The following MDGA2 variants were observed in gnomAD, a reference collection of about 807,000 sequenced individuals.
MDGA2 encodes the protein MAM domain containing glycosylphosphatidylinositol anchor 2, also known as MAM domain-containing glycosylphosphatidylinositol anchor protein 2.
Under a neutral mutation model 117.8 loss-of-function variants are expected in MDGA2, and 40 were observed. The ratio of observed to expected loss-of-function variants is 0.34; its 90% CI spans 0.26 to 0.44. The LOEUF is 0.44. Ranked by LOEUF, MDGA2 falls within the 20% of genes least tolerant of loss-of-function variation. The pLI, the probability that MDGA2 is intolerant of heterozygous loss-of-function variation, is 1.00. For missense variants in MDGA2, 1,123 were observed against 1,250.6 expected, an observed-to-expected ratio of 0.90 and a Z score of 1.54; for synonymous variants, 452 against 439.0, an observed-to-expected ratio of 1.03 and a Z score of -0.37.
chr14:47,380,669 T>G (rs1891599032), intron 1 of MDGA2, among the ~76,000 whole-genome samples: 1 of 152,062 alleles, frequency 6.6e-6, no homozygotes, highest in African/African-American at 2.4e-5. Context: ...AGGAAGAATC[T>G]GAATCCCTGA....
intron 8 of MDGA2, among the ~76,000 whole-genome samples, chr14:46,984,776 T>C (rs1886804595): frequency 6.6e-6 from 1 of 152,086 alleles, no homozygotes; most frequent in African/African-American, 2.4e-5. Context: ...TCTAATTTTC[T>C]GTTAAGAAAA....
At chr14:47,139,746 A>G (rs1373703501) in intron 4 of MDGA2, among the ~76,000 whole-genome samples, 1 of 149,504 alleles carries the variant, frequency 6.7e-6, no homozygotes, top group African/African-American at 2.4e-5. Flanking sequence ...ATATATGTAT[A>G]TGTTTATATA....
intron 2 of MDGA2, among the ~76,000 whole-genome samples, chr14:47,242,776 C>G (rs1887098266): frequency 6.6e-6 from 1 of 151,866 alleles, no homozygotes; most frequent in Admixed American, 6.6e-5. Flanking sequence ...GAGCACCACC[C>G]CCTGCTCCAG....
At chr14:47,446,358 A>C (rs1893122036) in intron 1 of MDGA2, among the ~76,000 whole-genome samples, 3 of 152,172 alleles carry the variant, frequency 2.0e-5, no homozygotes, top group African/African-American at 7.2e-5. Flanking sequence ...CATTATTAGC[A>C]AGAATGATTA....
intron 7 of MDGA2, among the ~76,000 whole-genome samples, chr14:47,042,323 T>TG (rs1889103341): frequency 1.2e-4 from 16 of 132,608 alleles, no homozygotes; most frequent in Admixed American, 7.1e-4. Context: ...TTTTTTTTTT[T>TG]TTTTTGTGTG....
chr14:46,958,975 C>T (rs1399999217), intron 8 of MDGA2, among the ~76,000 whole-genome samples: 1 of 151,960 alleles, frequency 6.6e-6, no homozygotes, highest in Non-Finnish European at 1.5e-5. Context: ...GAGGAGTTGT[C>T]CAAATCATCT....
At chr14:47,248,432 T>G (rs2139631992) in intron 2 of MDGA2, among the ~76,000 whole-genome samples, 1 of 151,824 alleles carries the variant, frequency 6.6e-6, no homozygotes, top group South Asian at 2.1e-4. Context: ...AGACAATTTT[T>G]TCTGTGAATT....
chr14:46,861,513 A>G (rs769088285), intron 14 of MDGA2, among the ~76,000 whole-genome samples: 1 of 151,920 alleles, frequency 6.6e-6, no homozygotes, highest in Non-Finnish European at 1.5e-5. Flanking sequence ...GGTTTAAAGA[A>G]GCCAGGTGTA....
chr14:47,674,595 C>G lies in MDGA2; in HGVS notation c.202G>C (p.Val68Leu). ...TPWAGYVHVHVKMDLLYGLVW... is the reference protein window; with the variant it reads ...TPWAGYVHVHLKMDLLYGLVW... ...AGACCGTACAGTAAATCCATCTTCA[C>G]GTGAACATGAACATATCCAGCCCAG... is the stretch of plus-strand genomic sequence containing the variant. Residue 68 changes from valine to leucine, a missense_variant, in exon 1 of 17, where the codon GTG (valine) becomes CTG (leucine). By Grantham distance (32) the Val-to-Leu change is conservative. Transcript: ENST00000399232. 1 of 1,551,278 alleles carries G rather than the reference C, an allele frequency of 6.4e-7. No homozygotes were observed. Among genetic ancestry groups the G allele is most frequent in the Non-Finnish European group, 8.7e-7 (1 of 1,146,672 alleles).
intron 1 of MDGA2, among the ~76,000 whole-genome samples, chr14:47,425,655 G>C (rs1490535010): frequency 2.6e-5 from 4 of 152,126 alleles, no homozygotes. Flanking sequence ...TTTCTCCAGA[G>C]AGTTTCAGAA....
chr14:47,529,868 A>T (rs1436460408), intron 1 of MDGA2, among the ~76,000 whole-genome samples: 1 of 152,230 alleles, frequency 6.6e-6, no homozygotes, highest in Non-Finnish European at 1.5e-5. Flanking sequence ...TACAGTTCCA[A>T]GCATTTTTCA....
Position 47,272,085 on chromosome 14 carries a change from T to G in MDGA2, c.420+29326A>C, listed in dbSNP as rs912150745. On this transcript the variant is annotated intron_variant, in intron 2 of 16. Transcript: ENST00000399232. ...ATGCTTAGCATTTTTTTTCTTTAGT[T>G]AAGTATAAATAAGAAATACAACACA... is the stretch of plus-strand genomic sequence containing the variant. Among the ~76,000 whole-genome samples, 5 of 152,150 alleles carry G rather than the reference T, an allele frequency of 3.3e-5. No homozygotes were observed. The South Asian group carries it at 8.3e-4, about 25-fold the overall frequency.
intron 1 of MDGA2, among the ~76,000 whole-genome samples, chr14:47,327,227 C>T (rs1371609857): frequency 6.6e-6 from 1 of 152,166 alleles, no homozygotes. Context: ...CAATCTCTTC[C>T]CCCTTTGTTC....
chr14:47,636,416 T>C (rs963345251), intron 1 of MDGA2, among the ~76,000 whole-genome samples: 2 of 152,014 alleles, frequency 1.3e-5, no homozygotes, highest in Admixed American at 1.3e-4. Context: ...CAGAGCAAAA[T>C]CCACTAAAAT....
intron 3 of MDGA2, among the ~76,000 whole-genome samples, chr14:47,192,328 G>T (rs1885144849): frequency 6.6e-6 from 1 of 152,084 alleles, no homozygotes; most frequent in Admixed American, 6.6e-5. Context: ...TTGAAAGGAG[G>T]TATGGGGCCG....
intron 1 of MDGA2, among the ~76,000 whole-genome samples, chr14:47,423,915 G>A (rs1235350492): frequency 1.3e-5 from 2 of 152,050 alleles, no homozygotes; most frequent in Non-Finnish European, 2.9e-5. Context: ...GGGTTCAGGC[G>A]ATTCCCCTGC....
chr14:47,493,329 A>T (rs1445909427), intron 1 of MDGA2, among the ~76,000 whole-genome samples: 2 of 149,512 alleles, frequency 1.3e-5, no homozygotes, highest in Non-Finnish European at 3.0e-5. Context: ...ATATATATAT[A>T]TTTTGAGACA....
In MDGA2 at chr14:47,467,220, G is replaced by C. The variant is rs191126311; in HGVS notation, c.281-165670C>G. Reference sequence around the variant, plus strand: ...AGAGGAGGAAAAATAGAGCCTCTTAGTATGTGAGAAAGGTTTCCTTTACCC... The same window carrying C: ...AGAGGAGGAAAAATAGAGCCTCTTACTATGTGAGAAAGGTTTCCTTTACCC... On this transcript the variant is annotated intron_variant, in intron 1 of 16. Transcript: ENST00000399232. Among the ~76,000 whole-genome samples the C allele has an allele frequency of 2.0e-5, 3 of 152,232 alleles. No homozygotes were observed. The East Asian group carries it at 5.8e-4, about 29-fold the overall frequency.
intron 1 of MDGA2, among the ~76,000 whole-genome samples, chr14:47,567,879 A>T (rs1895949162): frequency 6.6e-6 from 1 of 152,026 alleles, no homozygotes; most frequent in South Asian, 2.1e-4. Context: ...GAATTGTCAG[A>T]TTGTCTAAAA....
Sources: allele counts gnomAD v4.1 joint callset (sites outside exome capture counted in the v4.1 genomes callset), GRCh38; gene constraint gnomAD v4.1.1; transcripts MANE v1.5; gene names NCBI Gene and HGNC (gene_info 2026-07-23, HGNC 2026-07-21).